THADA: variants seen among roughly 807,000 people sequenced by gnomAD.
THADA encodes tRNA (32-2'-O)-methyltransferase regulator THADA.
Under a neutral mutation model 219.8 loss-of-function variants are expected in THADA, and 213 were observed. The observed-to-expected ratio is 0.97, with a 90% CI of 0.87 to 1.09. The LOEUF is 1.09. Among genes scored for constraint, THADA ranks in the 50% least tolerant of loss-of-function variants. THADA has a pLI of 0.00. For synonymous variants in THADA, 1,018 were observed against 828.9 expected (o/e 1.23, Z -3.92); for missense variants, 2,956 against 2,311.3 (o/e 1.28, Z -5.72).
At chr2:43,306,576 A>G (rs992533494) in intron 31 of THADA, among the ~76,000 whole-genome samples, 1 of 152,090 alleles carries the variant, frequency 6.6e-6, no homozygotes, top group Non-Finnish European at 1.5e-5. Flanking sequence ...CTAGTGCTAC[A>G]ATTTAGTTCT....
At chr2:43,485,613 A>G (rs939666303) in intron 25 of THADA, among the ~76,000 whole-genome samples, 3 of 152,320 alleles carry the variant, frequency 2.0e-5, no homozygotes, top group East Asian at 1.9e-4. Context: ...AGAGCATCAA[A>G]TAACACTTTT....
intron 29 of THADA, among the ~76,000 whole-genome samples, chr2:43,353,842 T>C (rs1325374958): frequency 6.6e-6 from 1 of 150,624 alleles, no homozygotes; most frequent in Non-Finnish European, 1.5e-5. Flanking sequence ...TTTTGAGATG[T>C]AGTCTCGCTC....
intron 36 of THADA, among the ~76,000 whole-genome samples, chr2:43,256,535 C>T (rs567290769): frequency 8.6e-5 from 13 of 151,262 alleles, no homozygotes; most frequent in South Asian, 4.2e-4. Flanking sequence ...CCTCAGCCTC[C>T]GAAGTAGCTG....
chr2:43,292,123 C>A lies in THADA; in HGVS notation c.4918G>T (p.Asp1640Tyr). The change falls in exon 33 of 38, where the codon GAT (aspartate) becomes TAT (tyrosine). Residue 1640 changes from aspartate to tyrosine, a missense_variant. Transcript: ENST00000405975. ...GCAAACCTTTCATTGGAAGCAATAT[C>A]CATCGTCCAGATCAAGAACTCCTTT... ...TPKEFLIWTMDIASNERSEIQ... is the reference protein window; with the variant it reads ...TPKEFLIWTMYIASNERSEIQ... 6.2e-7 allele frequency: 1 copy of A among 1,607,932 alleles called. No homozygotes were observed.
chr2:43,465,040 T>G (rs1054333449), intron 26 of THADA, among the ~76,000 whole-genome samples: 2 of 152,118 alleles, frequency 1.3e-5, no homozygotes, highest in Non-Finnish European at 2.9e-5. Context: ...CCTTAACATA[T>G]TATAATTTCC....
At chr2:43,345,274 G>A (rs918674743) in intron 29 of THADA, among the ~76,000 whole-genome samples, 3 of 152,246 alleles carry the variant, frequency 2.0e-5, no homozygotes. Context: ...AGGGGGTAAT[G>A]AGAAACAGAA....
At chr2:43,272,991 G>A (rs908720745) in intron 36 of THADA, among the ~76,000 whole-genome samples, 2 of 151,808 alleles carry the variant, frequency 1.3e-5, no homozygotes, top group Non-Finnish European at 2.9e-5. Context: ...GCTCATGCCT[G>A]TAATCCCAGC....
intron 26 of THADA, among the ~76,000 whole-genome samples, chr2:43,471,764 G>C (rs1417931136): frequency 6.6e-6 from 1 of 151,934 alleles, no homozygotes; most frequent in Non-Finnish European, 1.5e-5. Context: ...CCTCTTCTTC[G>C]TTTTTATCAC....
At chr2:43,581,054 GAAGA>G (rs1173740418) in intron 8 of THADA, among the ~76,000 whole-genome samples, 5 of 152,282 alleles carry the variant, frequency 3.3e-5, no homozygotes, top group South Asian at 4.1e-4. Flanking sequence ...AATGGGAGGT[GAAGA>G]GAGAAAGGAT....
At chr2:43,339,454 A>G (rs1171473222) in intron 30 of THADA, among the ~76,000 whole-genome samples, 1 of 152,016 alleles carries the variant, frequency 6.6e-6, no homozygotes, top group Non-Finnish European at 1.5e-5. Flanking sequence ...AATTTTTTGT[A>G]TTTTTAGTAG....
At chr2:43,413,634 T>C (rs577606820) in intron 28 of THADA, among the ~76,000 whole-genome samples, 3 of 152,342 alleles carry the variant, frequency 2.0e-5, no homozygotes, top group Admixed American at 1.3e-4. Context: ...TTTTGGTTCA[T>C]TTGTAGAAAG....
intron 36 of THADA, among the ~76,000 whole-genome samples, chr2:43,268,879 G>A (rs1056290891): frequency 2.0e-5 from 3 of 152,328 alleles, no homozygotes; most frequent in East Asian, 3.9e-4. Context: ...TCCCAATAGA[G>A]TCAGGCCTGA....
At chr2:43,429,271 T>A (rs1321520481) in intron 27 of THADA, among the ~76,000 whole-genome samples, 1 of 151,366 alleles carries the variant, frequency 6.6e-6, no homozygotes, top group Non-Finnish European at 1.5e-5. Flanking sequence ...CCAGCCTGGC[T>A]AATATTTGTA....
At chr2:43,422,854 G>A (rs1413733651) in intron 28 of THADA, among the ~76,000 whole-genome samples, 2 of 152,028 alleles carry the variant, frequency 1.3e-5, no homozygotes, top group Admixed American at 6.6e-5. Context: ...CAAGTAGCTG[G>A]GACTACAGGC....
At chr2:43,514,999 A>AAT (rs1553470732) in intron 22 of THADA, among the ~76,000 whole-genome samples, 544 of 47,438 alleles carry the variant, frequency 0.011, 65 homozygotes, top group African/African-American at 0.038. Context: ...TATAATATAT[A>AAT]ATATTATATA....
At chr2:43,435,642 T>C (rs909747276) in intron 26 of THADA, among the ~76,000 whole-genome samples, 10 of 151,348 alleles carry the variant, frequency 6.6e-5, no homozygotes, top group Middle Eastern at 3.4e-3. Flanking sequence ...AATTAGCCAG[T>C]TGAGGTAGCA....
At chr2:43,416,337 C>T (rs889860548) in intron 28 of THADA, among the ~76,000 whole-genome samples, 1 of 152,148 alleles carries the variant, frequency 6.6e-6, no homozygotes, top group African/African-American at 2.4e-5. Context: ...TATTTTTCCA[C>T]AGTTTCTGCT....
At chr2:43,309,240 C>A (rs914810313) in intron 31 of THADA, among the ~76,000 whole-genome samples, 1 of 152,218 alleles carries the variant, frequency 6.6e-6, no homozygotes, top group African/African-American at 2.4e-5. Flanking sequence ...CCATGCTTCT[C>A]ATGAATGCAA....
intron 26 of THADA, among the ~76,000 whole-genome samples, chr2:43,460,479 G>A (rs1461962402): frequency 2.0e-5 from 3 of 151,950 alleles, no homozygotes; most frequent in Non-Finnish European, 4.4e-5. Context: ...AAATAAACCT[G>A]GTACAAAGGT....
Sources: allele counts gnomAD v4.1 joint callset (sites outside exome capture counted in the v4.1 genomes callset), GRCh38; gene constraint gnomAD v4.1.1; transcripts MANE v1.5; gene names NCBI Gene and HGNC (gene_info 2026-07-23, HGNC 2026-07-21).